Variants in AIG1 observed in about 807,000 individuals in gnomAD.
AIG1 encodes androgen-induced gene 1 protein.
Under a neutral mutation model 31.4 loss-of-function variants are expected in AIG1, and 23 were observed. The ratio of observed to expected loss-of-function variants is 0.73; its 90% CI spans 0.53 to 1.04. The LOEUF (loss-of-function observed/expected upper bound fraction) is 1.04. Ranked by LOEUF, AIG1 falls within the 50% of genes least tolerant of loss-of-function variation. The pLI is 0.00. For missense variants in AIG1, 274 were observed against 295.0 expected, an observed-to-expected ratio of 0.93 and a Z score of 0.52; for synonymous variants, 100 against 110.5, an observed-to-expected ratio of 0.90 and a Z score of 0.60.
intron 1 of AIG1, among the ~76,000 whole-genome samples, chr6:143,101,207 G>C (rs1452578620): frequency 6.6e-6 from 1 of 151,954 alleles, no homozygotes; most frequent in Non-Finnish European, 1.5e-5. Context: ...GAGAAAATGA[G>C]GTAATGAGGT....
intron 2 of AIG1, among the ~76,000 whole-genome samples, chr6:143,164,340 T>G (rs1276745414): frequency 6.6e-6 from 1 of 152,192 alleles, no homozygotes; most frequent in Non-Finnish European, 1.5e-5. Flanking sequence ...TTATCTGAAC[T>G]TCTTTTCTCA....
chr6:143,294,818 T>C (rs1349595306), intron 4 of AIG1, among the ~76,000 whole-genome samples: 1 of 152,170 alleles, frequency 6.6e-6, no homozygotes, highest in Non-Finnish European at 1.5e-5. Flanking sequence ...CCCTCCATTC[T>C]GAAGATGATC....
At chr6:143,102,455 GATAT>G (rs371528173) in intron 1 of AIG1, among the ~76,000 whole-genome samples, 1 of 141,474 alleles carries the variant, frequency 7.1e-6, no homozygotes, top group Non-Finnish European at 1.5e-5. Flanking sequence ...GGCCTCTTAG[GATAT>G]ATATATATAT....
chr6:143,287,115 C>A (rs1297312423), intron 4 of AIG1, among the ~76,000 whole-genome samples: 2 of 151,934 alleles, frequency 1.3e-5, no homozygotes, highest in Non-Finnish European at 1.5e-5. Flanking sequence ...CTGGACACCC[C>A]CCTCCATCAT....
chr6:143,334,144 C>T lies in AIG1; in HGVS notation c.679+699C>T. 1 of 1,526,790 alleles carries T rather than the reference C, an allele frequency of 6.5e-7. No individual in the cohort carries two copies. Among genetic ancestry groups the T allele is most frequent in the Non-Finnish European group, 8.8e-7 (1 of 1,130,926 alleles). The allele number at this position is 1,526,790 out of a possible 1,614,324, so 94.6% of individuals were successfully genotyped here. A position where few individuals can be genotyped will look rare whatever the true frequency, so the allele number is the denominator to read the frequency against. Reference sequence around the variant, plus strand: ...GCAAAACCTGTCCAAAGTGTATGTACAATAACATAAAAATTGAAAGGTGGA... The same window carrying T: ...GCAAAACCTGTCCAAAGTGTATGTATAATAACATAAAAATTGAAAGGTGGA... On this transcript the variant is annotated intron_variant, in intron 5 of 5. Coordinates refer to ENST00000357847, the MANE Select transcript of AIG1 (RefSeq NM_016108.4). This position sits in a 1 kb window ranked among gnomAD's most constrained non-coding sequence, Gnocchi z 5.1.
At chr6:143,082,844 G>A (rs1233701324) in intron 1 of AIG1, among the ~76,000 whole-genome samples, 1 of 152,168 alleles carries the variant, frequency 6.6e-6, no homozygotes, top group East Asian at 1.9e-4. Context: ...TTGCCTCGTT[G>A]GTAAGCTTAA....
At chr6:143,094,825 C>A (rs1421412201) in intron 1 of AIG1, among the ~76,000 whole-genome samples, 1 of 151,206 alleles carries the variant, frequency 6.6e-6, no homozygotes, top group Non-Finnish European at 1.5e-5. Context: ...CCTGAAAACT[C>A]GAAAGAACAC....
chr6:143,087,312 A>G (rs1475615571), intron 1 of AIG1, among the ~76,000 whole-genome samples: 1 of 152,094 alleles, frequency 6.6e-6, no homozygotes, highest in Non-Finnish European at 1.5e-5. Flanking sequence ...GGCCTCACAC[A>G]TTCCAAGGAA....
intron 3 of AIG1, among the ~76,000 whole-genome samples, chr6:143,267,614 C>G (rs1293238701): frequency 6.6e-6 from 1 of 152,112 alleles, no homozygotes; most frequent in African/African-American, 2.4e-5. Flanking sequence ...TCTCAAGGCT[C>G]CAAGTTAGCC....
chr6:143,068,512 A>G (rs916738028), intron 1 of AIG1, among the ~76,000 whole-genome samples: 2 of 152,248 alleles, frequency 1.3e-5, no homozygotes, highest in African/African-American at 4.8e-5. Flanking sequence ...GTAAGACAGA[A>G]GCATGGAATT....
intron 4 of AIG1, among the ~76,000 whole-genome samples, chr6:143,318,389 C>T (rs183680890): frequency 6.6e-6 from 1 of 152,266 alleles, no homozygotes; most frequent in Non-Finnish European, 1.5e-5. Flanking sequence ...GGAAAGAACA[C>T]TCTATTCCAC....
Position 143,270,835 on chromosome 6 carries a change from G to T in AIG1, c.400-13275G>T, listed in dbSNP as rs766376685. 1.2e-4 allele frequency among the ~76,000 whole-genome samples: 19 copies of T among 152,166 alleles called. 1 individual carries two copies. The highest frequency in any genetic ancestry group is 2.4e-4 in the Non-Finnish European group (16 of 68,020). Reference sequence around the variant, plus strand: ...TGTGTGTGTGCACATGGGTATGTGTGCTTGTGTGTGTGTGCATGGATGAGT... The same window carrying T: ...TGTGTGTGTGCACATGGGTATGTGTTCTTGTGTGTGTGTGCATGGATGAGT... On this transcript the variant is annotated intron_variant, in intron 3 of 5. Transcript: ENST00000357847.
chr6:143,267,401 A>G (rs142888441), intron 3 of AIG1, among the ~76,000 whole-genome samples: 1 of 152,336 alleles, frequency 6.6e-6, no homozygotes, highest in Non-Finnish European at 1.5e-5. Context: ...TTCATAATCC[A>G]TAAGCTGCCT....
intron 1 of AIG1, among the ~76,000 whole-genome samples, chr6:143,131,762 A>G (rs949975561): frequency 2.6e-5 from 4 of 152,222 alleles, no homozygotes; most frequent in Middle Eastern, 3.2e-3. Flanking sequence ...AGCTTGGCCA[A>G]CACATTAATT....
chr6:143,278,846 A>G (rs761047963), intron 3 of AIG1, among the ~76,000 whole-genome samples: 1 of 152,184 alleles, frequency 6.6e-6, no homozygotes, highest in African/African-American at 2.4e-5. Context: ...GCCTCAAAAT[A>G]ATCTAATAAG....
At chr6:143,308,645 A>G (rs1009516951) in intron 4 of AIG1, among the ~76,000 whole-genome samples, 5 of 152,334 alleles carry the variant, frequency 3.3e-5, no homozygotes, top group Admixed American at 3.3e-4. Context: ...AAGGAGAATA[A>G]TGTACTCAGA....
At chr6:143,106,719 G>T (rs1322868733) in intron 1 of AIG1, among the ~76,000 whole-genome samples, 1 of 152,150 alleles carries the variant, frequency 6.6e-6, no homozygotes, top group Non-Finnish European at 1.5e-5. Context: ...TGACTTCCCT[G>T]TGTCTTAGTC....
At chr6:143,229,157 G>T (rs1032104626) in intron 3 of AIG1, among the ~76,000 whole-genome samples, 3 of 152,190 alleles carry the variant, frequency 2.0e-5, no homozygotes, top group African/African-American at 7.2e-5. Context: ...CAGCAGCTCT[G>T]TTTCTTGCAA....
rs776484230 is a variant in AIG1, at chr6:143,136,948, C to G, written c.255C>G (p.Leu85=). ...QERQLKKLIS[L]RDWMLAVLAF... Reference sequence around the variant, plus strand: ...GGCAGCTCAAGAAGCTCATCTCTCTCCGGGACTGGATGTTAGCTGTGTTGG... The same window carrying G: ...GGCAGCTCAAGAAGCTCATCTCTCTGCGGGACTGGATGTTAGCTGTGTTGG... Residue 85 remains leucine (L), a synonymous_variant, in exon 2 of 6, where the codon CTC becomes CTG. Transcript: ENST00000357847. The G allele has an allele frequency of 2.6e-6, 4 of 1,517,190 alleles. No individual in the cohort carries two copies. The South Asian group carries it at 5.2e-5, about 20-fold the overall frequency. The allele number at this position is 1,517,190 out of a possible 1,614,324, so 94.0% of individuals were successfully genotyped here. A position where few individuals can be genotyped will look rare whatever the true frequency, so the allele number is the denominator to read the frequency against.
Sources: gnomAD v4.1 joint callset for allele counts (sites outside exome capture counted in the v4.1 genomes callset) on GRCh38, gnomAD v4.1.1 for gene constraint, Gnocchi (gnomAD v3.1) non-coding constraint, MANE v1.5 for transcripts, NCBI Gene and HGNC (gene_info 2026-07-23, HGNC 2026-07-21) for gene names.